RNF130: variants seen among roughly 807,000 people sequenced by gnomAD.
RNF130 encodes the protein ring finger protein 130.
Under a neutral mutation model 44.6 loss-of-function variants are expected in RNF130, and 21 were observed. The ratio of observed to expected loss-of-function variants is 0.47; its 90% confidence interval spans 0.33 to 0.68. The LOEUF (loss-of-function observed/expected upper bound fraction) is 0.68. Ranked by LOEUF, RNF130 falls within the 30% of genes least tolerant of loss-of-function variation. The pLI, the probability that RNF130 is intolerant of heterozygous loss-of-function variation, is 0.02. For missense variants in RNF130, 479 were observed against 560.6 expected, an observed-to-expected ratio of 0.85 and a Z score of 1.47; for synonymous variants, 214 against 210.4, an observed-to-expected ratio of 1.02 and a Z score of -0.15.
intron 2 of RNF130, among the ~76,000 whole-genome samples, chr5:180,032,704 C>G (rs1414373559): frequency 6.6e-6 from 1 of 152,196 alleles, no homozygotes. Flanking sequence ...GCCTGTCCTT[C>G]TACCAATACC....
At chr5:180,020,101 G>A (rs1415774308) in intron 2 of RNF130, among the ~76,000 whole-genome samples, 1 of 152,196 alleles carries the variant, frequency 6.6e-6, no homozygotes, top group African/African-American at 2.4e-5. Flanking sequence ...CAGGACACAG[G>A]ACACAGGAGT....
At chr5:179,993,275 T>C (rs1478537533) in intron 3 of RNF130, among the ~76,000 whole-genome samples, 1 of 152,190 alleles carries the variant, frequency 6.6e-6, no homozygotes, top group East Asian at 1.9e-4. Flanking sequence ...TATTTCTAGT[T>C]CTAGATCCTT....
At chr5:180,050,177 T>C (rs977875524) in intron 1 of RNF130, among the ~76,000 whole-genome samples, 1 of 152,198 alleles carries the variant, frequency 6.6e-6, no homozygotes, top group Non-Finnish European at 1.5e-5. Flanking sequence ...CAAAGGGATT[T>C]ATTATAAGGA....
At chr5:180,032,683 C>T (rs1764156691) in intron 2 of RNF130, among the ~76,000 whole-genome samples, 1 of 152,242 alleles carries the variant, frequency 6.6e-6, no homozygotes, top group African/African-American at 2.4e-5. Flanking sequence ...TTTGGATCCA[C>T]TGATCTATAT....
chr5:179,958,813 T>C (rs1288621353), intron 8 of RNF130, among the ~76,000 whole-genome samples: 1 of 152,130 alleles, frequency 6.6e-6, no homozygotes, highest in Non-Finnish European at 1.5e-5. Flanking sequence ...CAGCCTTAGC[T>C]GGGATTACAG....
At chr5:180,012,310 A>T (rs1391101573) in intron 3 of RNF130, among the ~76,000 whole-genome samples, 1 of 152,066 alleles carries the variant, frequency 6.6e-6, no homozygotes, top group Non-Finnish European at 1.5e-5. Context: ...GCTTCAAATC[A>T]CTCTCCAAGC....
At position 180,041,316 on chromosome 5, in the gene RNF130, G is replaced by A. The variant is rs191753199; in HGVS notation, c.248-669C>T. Among the ~76,000 whole-genome samples the A allele has an allele frequency of 1.2e-3, 179 of 152,270 alleles. No homozygotes were observed. The Middle Eastern group carries it at 0.014, about 12-fold the overall frequency. On this transcript the variant is annotated intron_variant, in intron 1 of 8. Coordinates refer to ENST00000521389, the MANE Select transcript of RNF130 (RefSeq NM_018434.6). ...TTAGCAAAAGTCACCCCACAACTCC[G>A]TATCAAGATACACTTACTGTATCCA...
intron 5 of RNF130, 111 bp from the exon 6 acceptor site, chr5:179,970,617 A>G (rs940710112): frequency 2.6e-6 from 2 of 769,824 alleles, no homozygotes; most frequent in Non-Finnish European, 4.2e-6. Context: ...CTTTCAGGAC[A>G]TATTTTAAGC....
intron 5 of RNF130, among the ~76,000 whole-genome samples, chr5:179,971,171 GT>G (rs1385242558): frequency 3.3e-5 from 5 of 152,026 alleles, no homozygotes; most frequent in Non-Finnish European, 5.9e-5. Flanking sequence ...GTCATACAGG[GT>G]TTTGCATTCT....
chr5:179,979,400 GA>G (rs1294549750), intron 4 of RNF130, among the ~76,000 whole-genome samples: 1 of 151,462 alleles, frequency 6.6e-6, no homozygotes, highest in Non-Finnish European at 1.5e-5. Flanking sequence ...TAAAACTTAG[GA>G]AGACAGAGAA....
chr5:179,968,930 G>A (rs1385486734), intron 6 of RNF130, among the ~76,000 whole-genome samples: 1 of 152,186 alleles, frequency 6.6e-6, no homozygotes, highest in Non-Finnish European at 1.5e-5. Context: ...CCGATACTTT[G>A]AGAAATCCCA....
intron 1 of RNF130, among the ~76,000 whole-genome samples, chr5:180,050,772 T>C (rs1249966140): frequency 6.6e-6 from 1 of 152,238 alleles, no homozygotes; most frequent in Non-Finnish European, 1.5e-5. Flanking sequence ...ACTGTTAATT[T>C]TCTCTCAGCA....
At chr5:179,951,484 C>T (rs929535013), downstream of RNF130, among the ~76,000 whole-genome samples, 40 of 151,798 alleles carry the variant, frequency 2.6e-4, 1 homozygote, top group African/African-American at 8.2e-4. Flanking sequence ...CCCGGGTTCA[C>T]GCCATTCTCC....
chr5:179,946,289 G>A (rs1762035388), intron 7 of RNF130, among the ~76,000 whole-genome samples: 1 of 152,206 alleles, frequency 6.6e-6, no homozygotes. Context: ...CCATAGCCGC[G>A]CGGGGTCTGT....
chr5:179,948,934 C>T (rs1762085202), intron 7 of RNF130, among the ~76,000 whole-genome samples: 1 of 151,754 alleles, frequency 6.6e-6, no homozygotes, highest in African/African-American at 2.4e-5. Context: ...AACTTCTGAC[C>T]AACCTGGCCA....
rs1354378474 is a variant in RNF130, at chr5:179,933,284, G to C, written c.1151-12858C>G. 3.3e-5 allele frequency among the ~76,000 whole-genome samples: 5 copies of C among 150,702 alleles called. No individual in the cohort carries two copies. In the East Asian group the frequency reaches 9.6e-4, roughly 29 times the overall value. ...AACTATGGATTCAATTTATTACCTA[G>C]ATGTAGGAGAATTTAGGTGTCCTAT... On this transcript the variant is annotated intron_variant, in intron 7 of 7. Coordinates refer to the RNF130 transcript ENST00000522208.
intron 2 of RNF130, among the ~76,000 whole-genome samples, chr5:180,038,486 C>T (rs11948891): frequency 0.16 from 23,716 of 150,640 alleles, 2,014 homozygotes; most frequent in Admixed American, 0.19. Context: ...TGAGCCACTG[C>T]GACCAGCCAA....
chr5:179,916,388 T>C (rs1259359203), exon 8 of RNF130: 6 of 152,054 alleles, frequency 3.9e-5, no homozygotes, highest in Non-Finnish European at 8.8e-5. Flanking sequence ...AAAATAAAAA[T>C]ATAAAATACC....
At chr5:180,001,507 T>C (rs1170746566) in intron 3 of RNF130, among the ~76,000 whole-genome samples, 1 of 152,206 alleles carries the variant, frequency 6.6e-6, no homozygotes, top group Non-Finnish European at 1.5e-5. Context: ...GCTGTGATTC[T>C]ATCCCTGGGA....
Sources: allele counts gnomAD v4.1 joint callset (sites outside exome capture counted in the v4.1 genomes callset), GRCh38; gene constraint gnomAD v4.1.1; transcripts MANE v1.5; gene names NCBI Gene and HGNC (gene_info 2026-07-23, HGNC 2026-07-21).